The following PIK3C2G variants were observed in gnomAD, a reference collection of about 807,000 sequenced individuals.
The protein encoded by PIK3C2G is phosphatidylinositol 3-kinase C2 domain-containing subunit gamma.
In PIK3C2G, 168 loss-of-function variants were observed where a neutral mutation model predicts 181.1. The observed-to-expected ratio is 0.93, with a 90% CI of 0.82 to 1.05. The LOEUF (loss-of-function observed/expected upper bound fraction) is 1.05. Ranked by LOEUF, PIK3C2G falls within the 50% of genes least tolerant of loss-of-function variation. The pLI is 0.00. For missense variants in PIK3C2G, 1,869 were observed against 1,732.8 expected (o/e 1.08, Z -1.40); for synonymous variants, 573 against 592.2 (o/e 0.97, Z 0.47).
At chr12:18,277,689 T>C (rs1949041730) in intron 1 of PIK3C2G, among the ~76,000 whole-genome samples, 1 of 152,164 alleles carries the variant, frequency 6.6e-6, no homozygotes. Context: ...GGTTCCTTTT[T>C]TGTTGTTCTT....
the PIK3C2G span, among the ~76,000 whole-genome samples, chr12:18,672,833 T>C: frequency 6.6e-6 from 1 of 152,122 alleles, no homozygotes. Flanking sequence ...TGCTTCGATG[T>C]AGTCCATTCA....
chr12:18,577,303 G>A (rs1767197185), intron 29 of PIK3C2G, among the ~76,000 whole-genome samples: 1 of 152,142 alleles, frequency 6.6e-6, no homozygotes, highest in Admixed American at 6.5e-5. Flanking sequence ...ACTCATTGCT[G>A]CATGGGGACA....
chr12:18,550,726 C>T (rs1319134037), intron 26 of PIK3C2G, among the ~76,000 whole-genome samples: 1 of 152,002 alleles, frequency 6.6e-6, no homozygotes, highest in Non-Finnish European at 1.5e-5. Context: ...TGTGATACAA[C>T]TACTAAGTTA....
intron 18 of PIK3C2G, among the ~76,000 whole-genome samples, chr12:18,479,155 A>G (rs1214280696): frequency 2.6e-5 from 4 of 151,936 alleles, no homozygotes; most frequent in Non-Finnish European, 4.4e-5. Context: ...ATACACACAC[A>G]TACATACATA....
At chr12:18,544,522 G>A (rs1296704607) in intron 25 of PIK3C2G, among the ~76,000 whole-genome samples, 2 of 151,814 alleles carry the variant, frequency 1.3e-5, no homozygotes, top group African/African-American at 4.8e-5. Context: ...ACAATGAAAA[G>A]GGGGATGAAT....
At chr12:18,323,712 G>T (rs537528793) in intron 7 of PIK3C2G, among the ~76,000 whole-genome samples, 1 of 151,900 alleles carries the variant, frequency 6.6e-6, no homozygotes, top group Non-Finnish European at 1.5e-5. Context: ...TCAGAACACC[G>T]TATTGGATCA....
intron 30 of PIK3C2G, among the ~76,000 whole-genome samples, chr12:18,608,272 G>A (rs535712841): frequency 1.1e-3 from 165 of 152,102 alleles, no homozygotes; most frequent in African/African-American, 3.6e-3. Flanking sequence ...GTTTATTGCG[G>A]CACTATTCAC....
intron 1 of PIK3C2G, among the ~76,000 whole-genome samples, chr12:18,262,444 T>C (rs1042272541): frequency 2.0e-5 from 3 of 152,116 alleles, no homozygotes; most frequent in African/African-American, 4.8e-5. Context: ...TATTAAGAGC[T>C]TGGATTTTAA....
At position 18,325,051 on chromosome 12, in the gene PIK3C2G, C is replaced by G. The variant is rs373124655; in HGVS notation, c.1225C>G (p.Leu409Val). ...WKVSRQCLLTLIRKYDFHLKY... is the reference protein window; with the variant it reads ...WKVSRQCLLTVIRKYDFHLKY... ...ATTTTCCAGACAATGTCTCTTAACACTCATCAGAAAATATGACTTCCACCT... is the reference window on the plus strand; with the variant it reads ...ATTTTCCAGACAATGTCTCTTAACAGTCATCAGAAAATATGACTTCCACCT... Residue 409 changes from leucine to valine, a missense_variant, in exon 8 of 33, where the codon CTC becomes GTC. Leu to Val is a conservative substitution (Grantham distance 32, BLOSUM62 1). Transcript: ENST00000538779. The G allele has an allele frequency of 5.7e-5, 90 of 1,568,664 alleles. No individual in the cohort carries two copies. Among genetic ancestry groups the G allele is most frequent in the Non-Finnish European group, 7.1e-5 (81 of 1,143,318 alleles).
chr12:18,506,940 G>T (rs910763172), intron 24 of PIK3C2G, among the ~76,000 whole-genome samples: 2 of 151,946 alleles, frequency 1.3e-5, no homozygotes, highest in Non-Finnish European at 1.5e-5. Flanking sequence ...TATACAAATG[G>T]ATTATTTTAC....
At chr12:18,503,004 C>G (rs1941596962) in intron 22 of PIK3C2G, among the ~76,000 whole-genome samples, 1 of 152,162 alleles carries the variant, frequency 6.6e-6, no homozygotes, top group Non-Finnish European at 1.5e-5. Context: ...AGTGGGGTCT[C>G]TGTTCATCAT....
chr12:18,483,802 A>G (rs1323012646), intron 18 of PIK3C2G, among the ~76,000 whole-genome samples: 1 of 152,174 alleles, frequency 6.6e-6, no homozygotes, highest in African/African-American at 2.4e-5. Flanking sequence ...ATAGCAACAA[A>G]TAGCCCCACA....
intron 18 of PIK3C2G, among the ~76,000 whole-genome samples, chr12:18,456,111 T>C (rs1367104276): frequency 6.6e-6 from 1 of 152,116 alleles, no homozygotes; most frequent in African/African-American, 2.4e-5. Context: ...GCAAAGGCAA[T>C]TGTTTATCTG....
rs1210498853 is a variant in PIK3C2G at position 18,445,605 on chromosome 12, GAT to G, written c.2504+21569_2504+21570del. Among the ~76,000 whole-genome samples, 23 of 152,162 alleles carry G rather than the reference GAT, an allele frequency of 1.5e-4. No homozygotes were observed. In the South Asian group the frequency reaches 4.4e-3, roughly 29 times the overall value. ...TAAATGCTAATTACAGATCTACTAA[GAT>G]ATGTGCAAAATGATGCATGTATGAT... On this transcript the variant is annotated intron_variant, in intron 18 of 32. Coordinates refer to ENST00000538779, the MANE Select transcript of PIK3C2G (RefSeq NM_001288772.2).
rs970792329 is a variant in PIK3C2G at position 18,604,884 on chromosome 12, A to T, written c.4088-4651A>T. Among the ~76,000 whole-genome samples the T allele has an allele frequency of 6.6e-5, 10 of 152,314 alleles. No individual in the cohort carries two copies. The South Asian group carries it at 1.0e-3, about 16-fold the overall frequency. ...GACACAACCTATCAAAACCTCTGGGATACAGCTAAGGCTGTGCTAAGAGGA... is the reference window on the plus strand; with the variant it reads ...GACACAACCTATCAAAACCTCTGGGTTACAGCTAAGGCTGTGCTAAGAGGA... On this transcript the variant is annotated intron_variant, in intron 30 of 32. Coordinates refer to ENST00000538779, the MANE Select transcript of PIK3C2G (RefSeq NM_001288772.2).
intron 24 of PIK3C2G, among the ~76,000 whole-genome samples, chr12:18,521,469 G>A (rs1024882104): frequency 1.3e-5 from 2 of 152,204 alleles, no homozygotes; most frequent in African/African-American, 4.8e-5. Flanking sequence ...AGTTCCTACA[G>A]GGAGGCCCTG....
intron 2 of PIK3C2G, among the ~76,000 whole-genome samples, chr12:18,283,243 T>C (rs1190494954): frequency 6.6e-6 from 1 of 152,074 alleles, no homozygotes; most frequent in Non-Finnish European, 1.5e-5. Flanking sequence ...CAACTTCTAT[T>C]GAGATCATTC....
intron 5 of PIK3C2G, among the ~76,000 whole-genome samples, chr12:18,301,814 C>T (rs1950188343): frequency 1.3e-5 from 2 of 152,044 alleles, no homozygotes; most frequent in East Asian, 1.9e-4. Context: ...AATATATATG[C>T]TATTAGTGTA....
chr12:18,363,874 A>C (rs1171490723), intron 12 of PIK3C2G, among the ~76,000 whole-genome samples: 1 of 152,084 alleles, frequency 6.6e-6, no homozygotes, highest in Non-Finnish European at 1.5e-5. Flanking sequence ...TCCCATTCCA[A>C]ACTAAATCTG....
Sources: gnomAD v4.1 joint callset for allele counts (sites outside exome capture counted in the v4.1 genomes callset) on GRCh38, gnomAD v4.1.1 for gene constraint, MANE v1.5 for transcripts, NCBI Gene and HGNC (gene_info 2026-07-23, HGNC 2026-07-21) for gene names.